RTKN2: variants seen among roughly 807,000 people sequenced by gnomAD.
RTKN2 encodes rhotekin-2.
RTKN2 carries 69 observed loss-of-function variants against 71.5 expected under a neutral mutation model. The ratio of observed to expected loss-of-function variants is 0.96; its 90% CI spans 0.79 to 1.18. The LOEUF (loss-of-function observed/expected upper bound fraction) is 1.18. Among genes scored for constraint, RTKN2 ranks in the 50% most tolerant of loss-of-function variants. The pLI, the probability that RTKN2 is intolerant of heterozygous loss-of-function variation, is 0.00. For synonymous variants in RTKN2, 236 were observed against 236.5 expected, an observed-to-expected ratio of 1.00 and a Z score of 0.02; for missense variants, 724 against 719.7, an observed-to-expected ratio of 1.01 and a Z score of -0.07.
chr10:62,218,628 T>C (rs1407003265), intron 7 of RTKN2, among the ~76,000 whole-genome samples: 1 of 152,188 alleles, frequency 6.6e-6, no homozygotes, highest in Non-Finnish European at 1.5e-5. Context: ...GTGATCTCAT[T>C]TAATATAAAA....
At chr10:62,258,944 G>C (rs1370096582) in intron 2 of RTKN2, among the ~76,000 whole-genome samples, 1 of 152,150 alleles carries the variant, frequency 6.6e-6, no homozygotes, top group Admixed American at 6.5e-5. Flanking sequence ...TCCTTAAAGA[G>C]TTACAGCCTT....
At chr10:62,234,339 A>C (rs1243287345) in intron 6 of RTKN2, among the ~76,000 whole-genome samples, 1 of 152,004 alleles carries the variant, frequency 6.6e-6, no homozygotes, top group Non-Finnish European at 1.5e-5. Flanking sequence ...AGCCTGAGCA[A>C]TGTGGTGAAA....
At chr10:62,217,278 A>C in intron 8 of RTKN2, 29 bp from the exon 9 acceptor site, 1 of 1,454,436 alleles carries the variant, frequency 6.9e-7, no homozygotes. Flanking sequence ...AAATCAAGAG[A>C]CTATCAATTT....
chr10:62,252,528 G>C (rs1842600761), intron 2 of RTKN2, among the ~76,000 whole-genome samples: 2 of 151,682 alleles, frequency 1.3e-5, no homozygotes, highest in Non-Finnish European at 2.9e-5. Context: ...GCATATCAAA[G>C]ACTAAAACAA....
Position 62,236,107 on chromosome 10 carries a change from T to C in RTKN2, c.645A>G (p.Glu215=). ...TGKKISSVLQ[E]EDDEMCLLLS... is the part of the protein sequence containing the mutation. ...GGAGCAAGCACATTTCATCATCCTC[T>C]TCTTGAAGCACTGAACTTATTTTCT... The change falls in exon 6 of 12, where the codon GAA becomes GAG. Residue 215 remains glutamate, a synonymous_variant. Coordinates refer to ENST00000373789, the MANE Select transcript of RTKN2 (RefSeq NM_145307.4). 6.2e-7 allele frequency: 1 copy of C among 1,612,958 alleles called. No individual in the cohort carries two copies. The highest frequency in any genetic ancestry group is 8.5e-7 in the Non-Finnish European group (1 of 1,179,274).
In RTKN2 at chr10:62,199,862, C is replaced by T. The variant is rs1841403737; in HGVS notation, c.1187-1G>A. ...TCTTCACAACAGTGCTTCCATTGGC[C>T]TAAGACAGACAGAAAAAAGGTAGAC... On this transcript the variant is annotated splice_acceptor_variant, in intron 10 of 11. Coordinates refer to ENST00000373789, the MANE Select transcript of RTKN2 (RefSeq NM_145307.4). LOFTEE classifies it high-confidence loss of function. The T allele has an allele frequency of 1.9e-6, 3 of 1,590,042 alleles. No homozygotes were observed. The Admixed American group carries it at 5.1e-5, about 27-fold the overall frequency.
chr10:62,249,929 C>T (rs2133053081), intron 2 of RTKN2, among the ~76,000 whole-genome samples: 1 of 152,282 alleles, frequency 6.6e-6, no homozygotes, highest in East Asian at 1.9e-4. Flanking sequence ...TCCTGTAAAA[C>T]AGTAGTAGCC....
intron 2 of RTKN2, among the ~76,000 whole-genome samples, chr10:62,246,594 G>T (rs1019187531): frequency 2.0e-5 from 3 of 151,950 alleles, no homozygotes; most frequent in Non-Finnish European, 4.4e-5. Context: ...AGAACTAAGT[G>T]TATGTTAAAA....
At chr10:62,264,879 G>A (rs1198537073) in intron 1 of RTKN2, among the ~76,000 whole-genome samples, 2 of 151,440 alleles carry the variant, frequency 1.3e-5, no homozygotes, top group Non-Finnish European at 2.9e-5. Flanking sequence ...TCAATGGTCA[G>A]CTAGGGTAGA....
intron 6 of RTKN2, among the ~76,000 whole-genome samples, chr10:62,226,831 C>T (rs1476261832): frequency 6.6e-6 from 1 of 152,188 alleles, no homozygotes; most frequent in Non-Finnish European, 1.5e-5. Context: ...CATGGTGGCT[C>T]ACGCCTATAA....
chr10:62,218,156 A>C, intron 8 of RTKN2, 39 bp downstream of exon 8: 2 of 1,257,046 alleles, frequency 1.6e-6, no homozygotes, highest in Non-Finnish European at 2.3e-6. Context: ...GATTTAAAGT[A>C]GAGCTACAAT....
At chr10:62,215,054 T>C (rs1334459621) in intron 9 of RTKN2, 3 of 1,516,170 alleles carry the variant, frequency 2.0e-6, no homozygotes, top group African/African-American at 1.4e-5. Context: ...TATGGCGAGT[T>C]GAATTCCTTC....
rs1841488591 is a variant in RTKN2 at position 62,203,507 on chromosome 10, G to A, written c.1186+1350C>T. ...CTACAGGCACGTGCCATCACGCCTG[G>A]CTAATTTTTGTATTTTTAGTAGATA... On this transcript the variant is annotated intron_variant, in intron 10 of 11. Coordinates refer to ENST00000373789, the MANE Select transcript of RTKN2 (RefSeq NM_145307.4). Among the ~76,000 whole-genome samples the A allele has an allele frequency of 2.0e-5, 3 of 152,074 alleles. No homozygotes were observed. The South Asian group carries it at 6.2e-4, about 32-fold the overall frequency.
Position 62,193,384 on chromosome 10 carries a change from C to T in RTKN2, c.*4524G>A, listed in dbSNP as rs954988536. 13 of 981,756 alleles carry T rather than the reference C, an allele frequency of 1.3e-5. No individual in the cohort carries two copies. The Admixed American group carries it at 5.5e-4, about 42-fold the overall frequency. The allele number at this position is 981,756 out of a possible 1,614,324, so 60.8% of individuals were successfully genotyped here. A position where few individuals can be genotyped will look rare whatever the true frequency, so the allele number is the denominator to read the frequency against. On this transcript the variant is annotated 3_prime_UTR_variant, in exon 12 of 12. Transcript: ENST00000373789. Reference sequence around the variant, plus strand: ...GGAATGATCTTTTCTAATTATTAAACGTGTCAGCATTAGTATTTTCTCCCA... The same window carrying T: ...GGAATGATCTTTTCTAATTATTAAATGTGTCAGCATTAGTATTTTCTCCCA...
At chr10:62,268,107 C>T (rs886503656) in intron 1 of RTKN2, among the ~76,000 whole-genome samples, 1 of 152,230 alleles carries the variant, frequency 6.6e-6, no homozygotes, top group South Asian at 2.1e-4. Flanking sequence ...CCCCCTCCCC[C>T]CAACCAGTTC....
At chr10:62,191,698 T>A (rs1841226070), downstream of RTKN2, among the ~76,000 whole-genome samples, 1 of 152,222 alleles carries the variant, frequency 6.6e-6, no homozygotes, top group African/African-American at 2.4e-5. Flanking sequence ...CACGTGAGCT[T>A]AAGAATAGGC....
intron 1 of RTKN2, among the ~76,000 whole-genome samples, chr10:62,264,702 T>A (rs1020163272): frequency 6.6e-6 from 1 of 152,212 alleles, no homozygotes; most frequent in African/African-American, 2.4e-5. Context: ...AACAGGCAGT[T>A]GAACTAGCAC....
At chr10:62,265,291 A>G (rs1468913410) in intron 1 of RTKN2, among the ~76,000 whole-genome samples, 4 of 152,174 alleles carry the variant, frequency 2.6e-5, no homozygotes, top group Non-Finnish European at 5.9e-5. Context: ...AGACACACTC[A>G]TTCATATTGT....
intron 7 of RTKN2, among the ~76,000 whole-genome samples, chr10:62,222,308 C>T (rs960714549): frequency 2.6e-5 from 4 of 151,830 alleles, no homozygotes; most frequent in Non-Finnish European, 4.4e-5. Flanking sequence ...GATAGGGTCT[C>T]ACTATGTTAC....
Sources: allele counts gnomAD v4.1 joint callset (sites outside exome capture counted in the v4.1 genomes callset), GRCh38; gene constraint gnomAD v4.1.1; transcripts MANE v1.5; gene names NCBI Gene and HGNC (gene_info 2026-07-23, HGNC 2026-07-21).